TAFA2: variants seen among roughly 807,000 people sequenced by gnomAD.
The protein encoded by TAFA2 is chemokine-like protein TAFA-2.
A neutral mutation model predicts 18.8 loss-of-function variants in TAFA2; 7 were observed. The ratio of observed to expected loss-of-function variants is 0.37; its 90% CI spans 0.21 to 0.70. The LOEUF (loss-of-function observed/expected upper bound fraction) is 0.70, where lower values mean the gene tolerates loss of function less well. TAFA2 is among the 30% of genes least tolerant of loss of function. The probability of loss-of-function intolerance (pLI) is 0.53; values close to 1 mark genes in which losing one functional copy is unlikely to be tolerated. For synonymous variants in TAFA2, 60 were observed against 54.2 expected (o/e 1.11, Z -0.47); for missense variants, 122 against 158.1 (o/e 0.77, Z 1.23).
chr12:61,791,775 A>T (rs1264076505), intron 2 of TAFA2, among the ~76,000 whole-genome samples: 1 of 151,700 alleles, frequency 6.6e-6, no homozygotes, highest in Non-Finnish European at 1.5e-5. Context: ...GTGGGTATGT[A>T]AATTAGTATA....
At chr12:61,768,791 G>A (rs773599262) in intron 2 of TAFA2, among the ~76,000 whole-genome samples, 1 of 152,114 alleles carries the variant, frequency 6.6e-6, no homozygotes, top group Non-Finnish European at 1.5e-5. Context: ...GCTGAATTTT[G>A]TAACAATTTT....
At chr12:62,172,902 A>T (rs1217230543) in intron 1 of TAFA2, among the ~76,000 whole-genome samples, 1 of 152,082 alleles carries the variant, frequency 6.6e-6, no homozygotes, top group East Asian at 1.9e-4. Context: ...GTCACTGAAT[A>T]AGCTCAGTGG....
chr12:61,877,232 C>G (rs1241418541), intron 1 of TAFA2, among the ~76,000 whole-genome samples: 1 of 152,154 alleles, frequency 6.6e-6, no homozygotes. Flanking sequence ...CTTTTAGAAT[C>G]TCACTTTTTT....
At chr12:62,210,851 T>C (rs2062710218) in intron 1 of TAFA2, among the ~76,000 whole-genome samples, 1 of 152,158 alleles carries the variant, frequency 6.6e-6, no homozygotes. Flanking sequence ...TAAGAGAACG[T>C]ATATTGTCTT....
chr12:61,779,540 C>T (rs558906372), intron 2 of TAFA2, among the ~76,000 whole-genome samples: 1 of 151,820 alleles, frequency 6.6e-6, no homozygotes, highest in Non-Finnish European at 1.5e-5. Context: ...CTGAAGTGTT[C>T]TGCTAAAGCC....
At chr12:61,801,104 A>G (rs978730421) in intron 2 of TAFA2, among the ~76,000 whole-genome samples, 3 of 152,122 alleles carry the variant, frequency 2.0e-5, no homozygotes, top group Admixed American at 6.5e-5. Flanking sequence ...ACAGAAAACT[A>G]TAAAAGAAAT....
At chr12:61,958,425 C>T (rs747336444) in intron 1 of TAFA2, among the ~76,000 whole-genome samples, 9 of 152,020 alleles carry the variant, frequency 5.9e-5, no homozygotes, top group East Asian at 3.9e-4. Context: ...TTTTTGAAAG[C>T]GTCCATTTAT....
intron 1 of TAFA2, among the ~76,000 whole-genome samples, chr12:61,904,697 C>T (rs1003130505): frequency 3.3e-5 from 5 of 152,036 alleles, no homozygotes; most frequent in Non-Finnish European, 7.4e-5. Context: ...TGTGGGATTC[C>T]CCCTAGCAAC....
At chr12:62,128,733 C>T (rs1179255346) in intron 1 of TAFA2, among the ~76,000 whole-genome samples, 1 of 151,964 alleles carries the variant, frequency 6.6e-6, no homozygotes, top group Non-Finnish European at 1.5e-5. Context: ...TTAATATGTG[C>T]TTAGTTAAAA....
chr12:62,010,759 C>A (rs1284775983), intron 1 of TAFA2, among the ~76,000 whole-genome samples: 6 of 145,670 alleles, frequency 4.1e-5, no homozygotes, highest in Non-Finnish European at 7.5e-5. Context: ...TCTGCCCGGC[C>A]CCCCCGTCTG....
chr12:61,926,270 G>A (rs1049161112), intron 1 of TAFA2, among the ~76,000 whole-genome samples: 3 of 152,176 alleles, frequency 2.0e-5, no homozygotes, highest in Non-Finnish European at 4.4e-5. Flanking sequence ...GAGGTACAAA[G>A]AGGAGCTGGT....
chr12:62,108,949 A>C (rs898007646), intron 1 of TAFA2, among the ~76,000 whole-genome samples: 4 of 152,154 alleles, frequency 2.6e-5, no homozygotes, highest in African/African-American at 9.7e-5. Context: ...TTCTGATGAC[A>C]GTTTATTTTG....
At chr12:62,106,305 G>T (rs1869448307) in intron 1 of TAFA2, among the ~76,000 whole-genome samples, 1 of 152,048 alleles carries the variant, frequency 6.6e-6, no homozygotes, top group African/African-American at 2.4e-5. Context: ...CTGCACTCCA[G>T]CCTAAGCAAC....
intron 1 of TAFA2, among the ~76,000 whole-genome samples, chr12:62,226,238 G>A (rs1405537489): frequency 6.7e-6 from 1 of 149,932 alleles, no homozygotes; most frequent in African/African-American, 2.5e-5. Context: ...CTGCCGCCCA[G>A]GCTGGAGTGC....
chr12:61,893,175 G>A (rs114187799), intron 1 of TAFA2, among the ~76,000 whole-genome samples: 10 of 152,280 alleles, frequency 6.6e-5, no homozygotes, highest in East Asian at 5.8e-4. Flanking sequence ...ATGCTCAACC[G>A]AGTCCAAAGT....
At position 61,872,078 on chromosome 12, in the gene TAFA2, C is replaced by G. The variant is rs1277239389; in HGVS notation, c.-1-4652G>C. On this transcript the variant is annotated intron_variant, in intron 1 of 4. Coordinates refer to ENST00000416284, the MANE Select transcript of TAFA2 (RefSeq NM_178539.5). The stretch of plus-strand genomic sequence containing the variant: ...CCGCACTCCATTTAATTGTTAAAAG[C>G]AAGAAATAAAAAACTGTTATGCTAT... 9.7e-5 allele frequency among the ~76,000 whole-genome samples: 14 copies of G among 145,014 alleles called. No homozygotes were observed. The East Asian group carries it at 2.6e-3, about 27-fold the overall frequency.
chr12:62,022,153 G>T, intron 1 of TAFA2: 2 of 426,848 alleles, frequency 4.7e-6, no homozygotes, highest in Non-Finnish European at 9.4e-6. Context: ...CTAAGATAAT[G>T]ATTTCTGTCC....
intron 1 of TAFA2, among the ~76,000 whole-genome samples, chr12:61,914,917 C>T (rs374367709): frequency 5.7e-4 from 86 of 152,170 alleles, no homozygotes; most frequent in African/African-American, 1.8e-3. Flanking sequence ...AATCCCAGCA[C>T]TTTGGGAAGC....
chr12:62,048,958 G>A (rs1233340487), intron 1 of TAFA2, among the ~76,000 whole-genome samples: 1 of 152,150 alleles, frequency 6.6e-6, no homozygotes, highest in East Asian at 1.9e-4. Flanking sequence ...ACACTAAGAG[G>A]CAGACTACCC....
Sources: allele counts gnomAD v4.1 joint callset (sites outside exome capture counted in the v4.1 genomes callset), GRCh38; gene constraint gnomAD v4.1.1; transcripts MANE v1.5; gene names NCBI Gene and HGNC (gene_info 2026-07-23, HGNC 2026-07-21).